The following NRDE2 variants were observed in gnomAD, a reference collection of about 807,000 sequenced individuals.
NRDE2 encodes the protein nuclear exosome regulator NRDE2.
NRDE2 carries 76 observed loss-of-function variants against 124.2 expected under a neutral mutation model. The ratio of observed to expected loss-of-function variants is 0.61; its 90% CI spans 0.51 to 0.74. The LOEUF is 0.74. NRDE2 is among the 30% of genes least tolerant of loss of function. The pLI, the probability that NRDE2 is intolerant of heterozygous loss-of-function variation, is 0.00. For missense variants in NRDE2, 1,314 were observed against 1,417.3 expected, an observed-to-expected ratio of 0.93 and a Z score of 1.17; for synonymous variants, 489 against 528.1, an observed-to-expected ratio of 0.93 and a Z score of 1.01.
At chr14:90,302,536 C>T (rs1047056229) in intron 6 of NRDE2, among the ~76,000 whole-genome samples, 184 bp downstream of exon 6, 1 of 152,196 alleles carries the variant, frequency 6.6e-6, no homozygotes, top group Non-Finnish European at 1.5e-5. Flanking sequence ...ATTGCCCCCA[C>T]CTGCCCTGGG....
At position 90,288,688 on chromosome 14, in the gene NRDE2, G is replaced by A; in HGVS notation, c.2687C>T (p.Pro896Leu). The change falls in exon 11 of 14, where the codon CCC becomes CTC. Residue 896 changes from proline to leucine, a missense_variant. Transcript: ENST00000354366. Reference sequence around the variant, plus strand: ...AATTAGGCGGCTACAGGAATCGGTGGGAGCTGGATTGGAGACACAGCTGTC... The same window carrying A: ...AATTAGGCGGCTACAGGAATCGGTGAGAGCTGGATTGGAGACACAGCTGTC... ...LGDSCVSNPA[P>L]TDSCSRLISL... 1 of 1,614,218 alleles carries A rather than the reference G, an allele frequency of 6.2e-7. No homozygotes were observed. The highest frequency in any genetic ancestry group is 8.5e-7 in the Non-Finnish European group (1 of 1,180,048).
chr14:90,307,698 AC>A (rs1884667002), intron 4 of NRDE2, among the ~76,000 whole-genome samples: 1 of 152,124 alleles, frequency 6.6e-6, no homozygotes, highest in Non-Finnish European at 1.5e-5. Context: ...ACACGGTGAA[AC>A]CCCATCTCTA....
intron 12 of NRDE2, chr14:90,280,149 T>C (rs1891914747): frequency 6.6e-6 from 1 of 152,386 alleles, no homozygotes; most frequent in Admixed American, 6.5e-5. Flanking sequence ...ACTGTCTATG[T>C]TGCCCAGGCT....
At chr14:90,293,485 G>A (rs1003537860) in intron 8 of NRDE2, among the ~76,000 whole-genome samples, 2 of 152,180 alleles carry the variant, frequency 1.3e-5, no homozygotes, top group Non-Finnish European at 2.9e-5. Context: ...CCTGATCTCA[G>A]GTGATGCACC....
chr14:90,299,258 G>C (rs1014929402), intron 7 of NRDE2, among the ~76,000 whole-genome samples: 1 of 152,092 alleles, frequency 6.6e-6, no homozygotes, highest in Non-Finnish European at 1.5e-5. Flanking sequence ...ACGTTGGTCA[G>C]GCTGGTCTCC....
rs566286639 is a variant in NRDE2 at position 90,269,909 on chromosome 14, G to A, written c.*8427C>T. On this transcript the variant is annotated 3_prime_UTR_variant, in exon 14 of 14. Transcript: ENST00000354366. Reference sequence around the variant, plus strand: ...AACAGTGATTTGTTTGCTGTCTTTTGTAATGTTTTTAACACAATAGGTCTG... The same window carrying A: ...AACAGTGATTTGTTTGCTGTCTTTTATAATGTTTTTAACACAATAGGTCTG... The A allele has an allele frequency of 1.2e-4, 48 of 391,914 alleles. No individual in the cohort carries two copies. Among genetic ancestry groups the A allele is most frequent in the African/African-American group, 8.6e-4 (42 of 48,938 alleles). The allele number at this position is 391,914 out of a possible 1,614,324, so 24.3% of individuals were successfully genotyped here. A position where few individuals can be genotyped will look rare whatever the true frequency, so the allele number is the denominator to read the frequency against.
rs2139653885 is a variant in NRDE2, at chr14:90,272,082, T to C, written c.*6254A>G. The C allele has an allele frequency of 6.8e-6, 3 of 438,022 alleles. No individual in the cohort carries two copies. The highest frequency in any genetic ancestry group is 2.4e-5 in the South Asian group (1 of 41,156). 27.1% of individuals were successfully genotyped at this position (438,022 alleles called of 1,614,324 possible). A position where few individuals can be genotyped will look rare whatever the true frequency, so the allele number is the denominator to read the frequency against. ...TAACTTTTTGTATTTTTAGTAGAGA[T>C]GGGGTTTCACCGTGTTGGCCAGGCT... On this transcript the variant is annotated 3_prime_UTR_variant, in exon 14 of 14. Transcript: ENST00000354366. The surrounding 1 kb of genome is among the most constrained non-coding windows in gnomAD (Gnocchi z 4.5).
intron 4 of NRDE2, among the ~76,000 whole-genome samples, chr14:90,307,917 A>G (rs1407230536): frequency 3.3e-5 from 5 of 152,030 alleles, no homozygotes. Flanking sequence ...CACCACACTC[A>G]GCTTATTTTT....
chr14:90,329,071 A>G (rs1885565836), intron 1 of NRDE2, among the ~76,000 whole-genome samples: 2 of 152,222 alleles, frequency 1.3e-5, no homozygotes, highest in Admixed American at 6.5e-5. Flanking sequence ...AAAAGACAAT[A>G]CTTTATAAAA....
At chr14:90,299,872 G>A (rs1158683910) in intron 7 of NRDE2, among the ~76,000 whole-genome samples, 1 of 152,174 alleles carries the variant, frequency 6.6e-6, no homozygotes, top group Non-Finnish European at 1.5e-5. Flanking sequence ...CAGAAACGCA[G>A]ACCAGTAATA....
intron 1 of NRDE2, among the ~76,000 whole-genome samples, chr14:90,323,929 T>C (rs1885329314): frequency 1.3e-5 from 2 of 152,116 alleles, no homozygotes; most frequent in Admixed American, 6.5e-5. Context: ...CTGGTCTAGG[T>C]GCTAGGAATG....
rs543492593 is a variant in NRDE2, at chr14:90,269,628, A to C, written c.*8708T>G. On this transcript the variant is annotated 3_prime_UTR_variant, in exon 14 of 14. Transcript: ENST00000354366. ...TAAGTGTGCTTTGGGAGGCCTATAA[A>C]ATGATACATAAAAAAGCAAATACTG... 17 of 1,481,966 alleles carry C rather than the reference A, an allele frequency of 1.1e-5. No individual in the cohort carries two copies. In the East Asian group the frequency reaches 3.6e-4, roughly 32 times the overall value. The allele number at this position is 1,481,966 out of a possible 1,614,324, so 91.8% of individuals were successfully genotyped here. A position where few individuals can be genotyped will look rare whatever the true frequency, so the allele number is the denominator to read the frequency against.
chr14:90,275,670 G>GGCTGGGACTA lies in NRDE2; in HGVS notation c.*2665_*2666insTAGTCCCAGC, dbSNP rs1891788895. 6.6e-6 allele frequency: 1 copy of GGCTGGGACTA among 152,200 alleles called. No homozygotes were observed. Among genetic ancestry groups the GGCTGGGACTA allele is most frequent in the African/African-American group, 2.4e-5 (1 of 41,440 alleles). 9.4% of individuals were successfully genotyped at this position (152,200 alleles called of 1,614,324 possible). ...GGCCTGCGGTGCCAAGTGCAGGGAT[G>GGCTGGGACTA]CAGGTATGAAGTGCTTGTGAAATAA... On this transcript the variant is annotated 3_prime_UTR_variant, in exon 14 of 14. Coordinates refer to ENST00000354366, the MANE Select transcript of NRDE2 (RefSeq NM_017970.4).
chr14:90,317,333 G>A (rs1885081153), intron 2 of NRDE2, among the ~76,000 whole-genome samples: 1 of 152,158 alleles, frequency 6.6e-6, no homozygotes, highest in Admixed American at 6.5e-5. Context: ...TCAACATGTT[G>A]TTAATAAAAA....
chr14:90,283,709 TTTTG>T (rs1231564671), intron 12 of NRDE2, among the ~76,000 whole-genome samples: 4 of 149,194 alleles, frequency 2.7e-5, no homozygotes, highest in South Asian at 2.1e-4. Context: ...TTTGCAGGTT[TTTTG>T]TTTTTTTTTT....
At position 90,294,386 on chromosome 14, in the gene NRDE2, CA is replaced by C. The variant is rs1892353491; in HGVS notation, c.1667-1515del. ...CCCAGGAGAACTGAAAGCAGAGTCT[CA>C]AACAGATACTGTACACCCATGTTCA... is the stretch of plus-strand genomic sequence containing the variant. On this transcript the variant is annotated intron_variant, in intron 8 of 13. Transcript: ENST00000354366. Among the ~76,000 whole-genome samples, 4 of 151,764 alleles carry C rather than the reference CA, an allele frequency of 2.6e-5. No individual in the cohort carries two copies. The South Asian group carries it at 8.3e-4, about 31-fold the overall frequency.
intron 11 of NRDE2, among the ~76,000 whole-genome samples, chr14:90,287,934 C>T (rs964422334): frequency 2.6e-5 from 4 of 152,134 alleles, no homozygotes; most frequent in Admixed American, 2.0e-4. Context: ...TCAGCATTCC[C>T]GTGATCTGAC....
In NRDE2 at chr14:90,276,571, TA is replaced by T. The variant is rs1326904120; in HGVS notation, c.*1764del. On this transcript the variant is annotated 3_prime_UTR_variant, in exon 14 of 14. Coordinates refer to ENST00000354366, the MANE Select transcript of NRDE2 (RefSeq NM_017970.4). ...GATGCTCTTGACATCTTGTTTTCTG[TA>T]AAATGCCCTCAAGGAATCTTTGATT... is the stretch of plus-strand genomic sequence containing the variant. 6.6e-6 allele frequency: 1 copy of T among 152,122 alleles called. No homozygotes were observed. Among genetic ancestry groups the T allele is most frequent in the Non-Finnish European group, 1.5e-5 (1 of 68,018 alleles). 9.4% of individuals were successfully genotyped at this position (152,122 alleles called of 1,614,324 possible). A position where few individuals can be genotyped will look rare whatever the true frequency, so the allele number is the denominator to read the frequency against.
At position 90,278,311 on chromosome 14, in the gene NRDE2, G is replaced by A; in HGVS notation, c.*25C>T. 1 of 1,613,690 alleles carries A rather than the reference G, an allele frequency of 6.2e-7. No homozygotes were observed. Among genetic ancestry groups the A allele is most frequent in the South Asian group, 1.1e-5 (1 of 91,056 alleles). On this transcript the variant is annotated 3_prime_UTR_variant, in exon 14 of 14. Transcript: ENST00000354366. ...CAGGGTGGGCAACTTGGCCTCGCAGGCACAGCCCGTTTTCCCGCTGCTCTC... is the reference window on the plus strand; with the variant it reads ...CAGGGTGGGCAACTTGGCCTCGCAGACACAGCCCGTTTTCCCGCTGCTCTC...
Sources: allele counts gnomAD v4.1 joint callset (sites outside exome capture counted in the v4.1 genomes callset), GRCh38; gene constraint gnomAD v4.1.1; non-coding constraint Gnocchi (gnomAD v3.1); transcripts MANE v1.5; gene names NCBI Gene and HGNC (gene_info 2026-07-23, HGNC 2026-07-21).